Variants in SLC4A3 observed in about 807,000 individuals in gnomAD.
SLC4A3 encodes solute carrier family 4 member 3.
A neutral mutation model predicts 114.2 loss-of-function variants in SLC4A3; 47 were observed. The observed-to-expected ratio is 0.41, with a 90% CI of 0.33 to 0.52. SLC4A3 has a LOEUF of 0.52. Ranked by LOEUF, SLC4A3 falls within the 20% of genes least tolerant of loss-of-function variation. The probability of loss-of-function intolerance (pLI) is 0.21; values close to 1 mark genes in which losing one functional copy is unlikely to be tolerated. For missense variants in SLC4A3, 1,312 were observed against 1,668.3 expected (o/e 0.79, Z 3.72); for synonymous variants, 693 against 710.3 (o/e 0.98, Z 0.39).
At position 219,637,378 on chromosome 2, in the gene SLC4A3, GTGT is replaced by G. The variant is rs1336586106; in HGVS notation, c.2536-198_2536-196del. On this transcript the variant is annotated intron_variant, in intron 16 of 22. Coordinates refer to ENST00000358055, the MANE Select transcript of SLC4A3 (RefSeq NM_005070.4). This position sits in a 1 kb window ranked among gnomAD's most constrained non-coding sequence, Gnocchi z 4.6. The stretch of plus-strand genomic sequence containing the variant: ...TTTTTGTGTTGTATGTGTTATGTGT[GTGT>G]TGTTACGTGTTGTGTGTGTTGTATG... 2.2e-4 allele frequency among the ~76,000 whole-genome samples: 33 copies of G among 151,896 alleles called. No individual in the cohort carries two copies. The highest frequency in any genetic ancestry group is 7.0e-4 in the African/African-American group (29 of 41,428).
intron 20 of SLC4A3, 49 bp from the exon 21 acceptor site, chr2:219,640,381 C>T: frequency 1.3e-6 from 2 of 1,574,092 alleles, no homozygotes; most frequent in Non-Finnish European, 1.7e-6. Context: ...CCTGTCCATC[C>T]TCACGGGGGC....
Position 219,631,330 on chromosome 2 carries a change from C to T in SLC4A3, c.812-638C>T, listed in dbSNP as rs771628757. ...AATAGCTGGGGCTTTGGGAGGGATC[C>T]AGCCCCCAGTCCTCGAGACTCACTG... On this transcript the variant is annotated intron_variant, in intron 6 of 22. Coordinates refer to ENST00000358055, the MANE Select transcript of SLC4A3 (RefSeq NM_005070.4). The surrounding 1 kb of genome is among the most constrained non-coding windows in gnomAD (Gnocchi z 6.3). The T allele has an allele frequency of 8.6e-5, 112 of 1,304,074 alleles. No homozygotes were observed. Among genetic ancestry groups the T allele is most frequent in the Non-Finnish European group, 9.4e-5 (93 of 988,892 alleles). 80.8% of individuals were successfully genotyped at this position (1,304,074 alleles called of 1,614,324 possible).
At position 219,641,579 on chromosome 2, in the gene SLC4A3, G is replaced by A. The variant is rs1699327168; in HGVS notation, c.3622-72G>A. 5.7e-6 allele frequency: 7 copies of A among 1,227,162 alleles called. No individual in the cohort carries two copies. Among genetic ancestry groups the A allele is most frequent in the Non-Finnish European group, 8.4e-6 (7 of 832,012 alleles). 76.0% of individuals were successfully genotyped at this position (1,227,162 alleles called of 1,614,324 possible). On this transcript the variant is annotated intron_variant, in intron 22 of 22. Transcript: ENST00000358055. The surrounding 1 kb of genome is among the most constrained non-coding windows in gnomAD (Gnocchi z 4.0). ...AGGGAGCAGGGAGGGCTGCAGGTTG[G>A]AGGAGGAGCTGGAGAATGGGAGGGG...
In SLC4A3 at chr2:219,633,302, T is replaced by C; in HGVS notation, c.1306T>C (p.Phe436Leu). The change falls in exon 10 of 23, where the codon TTC (phenylalanine) becomes CTC (leucine). Residue 436 changes from phenylalanine (F) to leucine (L), a missense_variant. Around this residue, in one of 4 missense-constraint regions of SLC4A3, gnomAD observed 771 missense variants for 977.7 expected, o/e 0.79. Transcript: ENST00000358055. ...SHPNDDKDSG[F>L]FPRNPSSSSM... ...TCCCAACGATGACAAGGACAGTGGC[T>C]TCTTTCCCCGAAACCCATCGAGCTC... 2.5e-6 allele frequency: 4 copies of C among 1,583,084 alleles called. No individual in the cohort carries two copies. The South Asian group carries it at 4.7e-5, about 18-fold the overall frequency.
In SLC4A3 at chr2:219,633,006, A is replaced by C; in HGVS notation, c.1274A>C (p.His425Pro). The C allele has an allele frequency of 6.2e-7, 1 of 1,613,996 alleles. No individual in the cohort carries two copies. The highest frequency in any genetic ancestry group is 8.5e-7 in the Non-Finnish European group (1 of 1,179,970). ...GTCCTACGTACCCTGCTACTGAAGC[A>C]CAGGTGCCGGGGTGGGTCCCTGGGA... The part of the protein sequence containing the change: ...ASVLRTLLLK[H>P]SHPNDDKDSG... The change falls in exon 9 of 23, where the codon CAC (histidine) becomes CCC (proline). Residue 425 changes from histidine (H) to proline (P), a missense_variant. Transcript: ENST00000358055.
At position 219,633,392 on chromosome 2, in the gene SLC4A3, C is replaced by T. The variant is rs772322788; in HGVS notation, c.1396C>T (p.Pro466Ser). ...CAGCCATGGCCCTGATGGGGCGGTG[C>T]CTACCATGGCTGATGACCTGGGGGA... ...TPSHGPDGAV[P>S]TMADDLGEPA... Residue 466 changes from proline to serine, a missense_variant, in exon 10 of 23, where the codon CCT becomes TCT. Coordinates refer to ENST00000358055, the MANE Select transcript of SLC4A3 (RefSeq NM_005070.4). 11 of 1,591,026 alleles carry T rather than the reference C, an allele frequency of 6.9e-6. No homozygotes were observed. Among genetic ancestry groups the T allele is most frequent in the East Asian group, 4.5e-5 (2 of 44,192 alleles).
In SLC4A3 at chr2:219,636,658, G is replaced by C. The variant is rs367938145; in HGVS notation, c.2341-22G>C. On this transcript the variant is annotated intron_variant, in intron 15 of 22. Transcript: ENST00000358055. The surrounding 1 kb of genome is among the most constrained non-coding windows in gnomAD (Gnocchi z 5.5). ...CCAGGGCAGTCCACCTGTGGGTAACGACCGCTCCTACCCCCACCTAGTTCT... is the reference window on the plus strand; with the variant it reads ...CCAGGGCAGTCCACCTGTGGGTAACCACCGCTCCTACCCCCACCTAGTTCT... 6.2e-6 allele frequency: 10 copies of C among 1,601,848 alleles called. No homozygotes were observed. In the African/African-American group the frequency reaches 8.0e-5, roughly 13 times the overall value.
At chr2:219,640,230 C>A (rs960761171) in intron 20 of SLC4A3, among the ~76,000 whole-genome samples, 200 bp from the exon 21 acceptor site, 76 of 120,160 alleles carry the variant, frequency 6.3e-4, no homozygotes, top group African/African-American at 2.1e-3. Flanking sequence ...TGTCTGCCCC[C>A]CCCCCCGCCC....
Position 219,637,828 on chromosome 2 carries a change from T to C in SLC4A3, c.2766+17T>C, listed in dbSNP as rs750498434. 6.4e-7 allele frequency: 1 copy of C among 1,574,650 alleles called. No homozygotes were observed. Among genetic ancestry groups the C allele is most frequent in the African/African-American group, 1.4e-5 (1 of 74,068 alleles). On this transcript the variant is annotated intron_variant, in intron 17 of 22. Coordinates refer to ENST00000358055, the MANE Select transcript of SLC4A3 (RefSeq NM_005070.4). This position sits in a 1 kb window ranked among gnomAD's most constrained non-coding sequence, Gnocchi z 4.6. ...GGGGGCAAGGTGCGTGGCTGCTGGG[T>C]GTGGAGCCCCCAAGAGTCCCACAAT...
chr2:219,630,439 C>G lies in SLC4A3; in HGVS notation c.811+87C>G, dbSNP rs1437541036. ...ACCTTGGAGAGGCTCTGAGCTGTCCCCTGCTAAGGGCTGAGTCCTCTCTGA... is the reference window on the plus strand; with the variant it reads ...ACCTTGGAGAGGCTCTGAGCTGTCCGCTGCTAAGGGCTGAGTCCTCTCTGA... On this transcript the variant is annotated intron_variant, in intron 6 of 22. Coordinates refer to ENST00000358055, the MANE Select transcript of SLC4A3 (RefSeq NM_005070.4). The surrounding 1 kb of genome is among the most constrained non-coding windows in gnomAD (Gnocchi z 6.9). 1.4e-5 allele frequency: 19 copies of G among 1,369,966 alleles called. No homozygotes were observed. The highest frequency in any genetic ancestry group is 2.2e-5 in the Admixed American group (1 of 46,352). 84.9% of individuals were successfully genotyped at this position (1,369,966 alleles called of 1,614,324 possible). A position where few individuals can be genotyped will look rare whatever the true frequency, so the allele number is the denominator to read the frequency against.
At position 219,635,756 on chromosome 2, in the gene SLC4A3, G is replaced by C; in HGVS notation, c.2056G>C (p.Val686Leu). Residue 686 changes from valine (V) to leucine (L), a missense_variant, in exon 14 of 23, where the codon GTG becomes CTG. Around this residue, in one of 4 missense-constraint regions of SLC4A3, gnomAD observed 771 missense variants for 977.7 expected, o/e 0.79. Coordinates refer to ENST00000358055, the MANE Select transcript of SLC4A3 (RefSeq NM_005070.4). ...GACGGGCTCGGTATTTGGGGGGCTT[G>C]TGCGGGATGTGAGGCGCCGGTACCC... ...LRTGSVFGGL[V>L]RDVRRRYPHY... is the part of the protein sequence containing the mutation. 6.3e-7 allele frequency: 1 copy of C among 1,595,572 alleles called. No homozygotes were observed. Among genetic ancestry groups the C allele is most frequent in the Non-Finnish European group, 8.5e-7 (1 of 1,173,430 alleles).
chr2:219,629,951 A>T, intron 5 of SLC4A3: 1 of 977,210 alleles, frequency 1.0e-6, no homozygotes, highest in Non-Finnish European at 1.5e-6. Flanking sequence ...AGAGTGACAG[A>T]GTAGAGAGGG....
In SLC4A3 at chr2:219,628,162, C is replaced by T. The variant is rs941058703; in HGVS notation, c.51+119C>T. The T allele has an allele frequency of 7.0e-5, 62 of 882,748 alleles. No homozygotes were observed. Among genetic ancestry groups the T allele is most frequent in the Non-Finnish European group, 1.0e-4 (61 of 594,152 alleles). 54.7% of individuals were successfully genotyped at this position (882,748 alleles called of 1,614,324 possible). A position where few individuals can be genotyped will look rare whatever the true frequency, so the allele number is the denominator to read the frequency against. On this transcript the variant is annotated intron_variant, in intron 2 of 22. Coordinates refer to ENST00000358055, the MANE Select transcript of SLC4A3 (RefSeq NM_005070.4). This position sits in a 1 kb window ranked among gnomAD's most constrained non-coding sequence, Gnocchi z 4.8. ...CCCCCAGATCCAGGGATGAGCTGGG[C>T]TGGGGGTTACGGAGAAAGAGGGGGG...
intron 20 of SLC4A3, 35 bp from the exon 21 acceptor site, chr2:219,640,395 C>A: frequency 6.3e-7 from 1 of 1,593,328 alleles, no homozygotes. Context: ...CGGGGGCTGT[C>A]TGAGGGTCAG....
rs888746634 is a variant in SLC4A3, at chr2:219,638,561, G to A, written c.2857-142G>A. ...CTTGAAAGGACAGTGACTTCTGGAG[G>A]ATGCAAAACTAATTTTCCCCTGACC... On this transcript the variant is annotated intron_variant, in intron 18 of 22. Transcript: ENST00000358055. This position sits in a 1 kb window ranked among gnomAD's most constrained non-coding sequence, Gnocchi z 7.5. 2 of 752,466 alleles carry A rather than the reference G, an allele frequency of 2.7e-6. No homozygotes were observed. The highest frequency in any genetic ancestry group is 4.3e-6 in the Non-Finnish European group (2 of 469,442). 46.6% of individuals were successfully genotyped at this position (752,466 alleles called of 1,614,324 possible).
Position 219,631,118 on chromosome 2 carries a change from CG to C in SLC4A3, c.811+769del. On this transcript the variant is annotated intron_variant, in intron 6 of 22. Transcript: ENST00000358055. The surrounding 1 kb of genome is among the most constrained non-coding windows in gnomAD (Gnocchi z 6.3). ...GCTTGTGGACTTGGGGAGTTGGGGTCGGGAGGCTGTGCCACCTTCAGCTCTG... is the reference window on the plus strand; with the variant it reads ...GCTTGTGGACTTGGGGAGTTGGGGTCGGAGGCTGTGCCACCTTCAGCTCTG... The C allele has an allele frequency of 8.6e-7, 1 of 1,158,216 alleles. No homozygotes were observed. 71.7% of individuals were successfully genotyped at this position (1,158,216 alleles called of 1,614,324 possible).
At position 219,636,997 on chromosome 2, in the gene SLC4A3, G is replaced by A. The variant is rs1305384656; in HGVS notation, c.2535+123G>A. ...CAAGGAGAGGGACTGTGTTGGGAGT[G>A]AGGGGTTCTAGGGACACCCTAGGCT... On this transcript the variant is annotated intron_variant, in intron 16 of 22. Transcript: ENST00000358055. This position sits in a 1 kb window ranked among gnomAD's most constrained non-coding sequence, Gnocchi z 5.5. The A allele has an allele frequency of 3.2e-6, 3 of 924,704 alleles. No individual in the cohort carries two copies. The East Asian group carries it at 7.4e-5, about 23-fold the overall frequency. The allele number at this position is 924,704 out of a possible 1,614,324, so 57.3% of individuals were successfully genotyped here.
At chr2:219,634,788 G>A (rs76682164) in intron 12 of SLC4A3, among the ~76,000 whole-genome samples, 184 bp downstream of exon 12, 5 of 152,318 alleles carry the variant, frequency 3.3e-5, no homozygotes, top group Non-Finnish European at 7.4e-5. Context: ...GGCTGTGGCT[G>A]TGGGAGGGTC....
In SLC4A3 at chr2:219,637,229, G is replaced by A. The variant is rs1015060012; in HGVS notation, c.2536-352G>A. Among the ~76,000 whole-genome samples the A allele has an allele frequency of 6.6e-6, 1 of 150,936 alleles. No individual in the cohort carries two copies. The highest frequency in any genetic ancestry group is 2.4e-5 in the African/African-American group (1 of 40,974). On this transcript the variant is annotated intron_variant, in intron 16 of 22. Coordinates refer to ENST00000358055, the MANE Select transcript of SLC4A3 (RefSeq NM_005070.4). This position sits in a 1 kb window ranked among gnomAD's most constrained non-coding sequence, Gnocchi z 4.6. ...GTGTGTGGGTGTGGGTGTGGTGTGA[G>A]TATGGTGTGTTGTGTGTGATGTATG...
Sources: gnomAD v4.1 joint callset for allele counts (sites outside exome capture counted in the v4.1 genomes callset) on GRCh38, gnomAD v4.1.1 for gene constraint, gnomAD v4.1.1 regional missense constraint, Gnocchi (gnomAD v3.1) non-coding constraint, MANE v1.5 for transcripts, NCBI Gene and HGNC (gene_info 2026-07-23, HGNC 2026-07-21) for gene names.